Variants in WWOX observed in about 807,000 individuals in gnomAD.
The protein encoded by WWOX is WW domain-containing oxidoreductase.
A neutral mutation model predicts 46.2 loss-of-function variants in WWOX; 69 were observed. The observed-to-expected ratio is 1.49, with a 90% confidence interval of 1.23 to 1.82. WWOX has a LOEUF of 1.82. Ranked by LOEUF, WWOX falls within the 40% of genes most tolerant of loss-of-function variation. The pLI, the probability that WWOX is intolerant of heterozygous loss-of-function variation, is 0.00. For synonymous variants in WWOX, 359 were observed against 202.6 expected, an observed-to-expected ratio of 1.77 and a Z score of -6.56; for missense variants, 919 against 542.6, an observed-to-expected ratio of 1.69 and a Z score of -6.89.
intron 4 of WWOX, among the ~76,000 whole-genome samples, chr16:78,150,529 C>A (rs573845201): frequency 1.3e-5 from 2 of 152,274 alleles, no homozygotes; most frequent in East Asian, 3.9e-4. Flanking sequence ...CAGTTGCACA[C>A]CACCATGCCT....
chr16:78,778,446 T>C (rs1597594620), intron 8 of WWOX, among the ~76,000 whole-genome samples: 1 of 152,214 alleles, frequency 6.6e-6, no homozygotes, highest in Non-Finnish European at 1.5e-5. Flanking sequence ...GATTGATGCA[T>C]GTGTTGTTGA....
At chr16:78,731,708 GT>G (rs1323760195) in intron 8 of WWOX, among the ~76,000 whole-genome samples, 1 of 152,128 alleles carries the variant, frequency 6.6e-6, no homozygotes, top group African/African-American at 2.4e-5. Flanking sequence ...TGGAAAGCCT[GT>G]AAGAAGAAGC....
At chr16:78,947,972 C>G (rs142650505) in intron 8 of WWOX, among the ~76,000 whole-genome samples, 10 of 152,148 alleles carry the variant, frequency 6.6e-5, no homozygotes, top group African/African-American at 2.4e-4. Flanking sequence ...ATGTGAGGTC[C>G]AAGGACATTC....
rs190763534 is a variant in WWOX, at chr16:79,020,771, G to A, written c.1057-190837G>A. On this transcript the variant is annotated intron_variant, in intron 8 of 8. Coordinates refer to ENST00000566780, the MANE Select transcript of WWOX (RefSeq NM_016373.4). Reference sequence around the variant, plus strand: ...ACACGCATGCAGCTTCCCACACGTCGTGTGGATTCTTTTCTGTGCTCTCCA... The same window carrying A: ...ACACGCATGCAGCTTCCCACACGTCATGTGGATTCTTTTCTGTGCTCTCCA... Among the ~76,000 whole-genome samples the A allele has an allele frequency of 9.2e-5, 14 of 152,274 alleles. No individual in the cohort carries two copies. In the East Asian group the frequency reaches 1.9e-3, roughly 21 times the overall value.
chr16:78,941,427 C>A (rs140305497), intron 8 of WWOX, among the ~76,000 whole-genome samples: 1 of 151,452 alleles, frequency 6.6e-6, no homozygotes, highest in Non-Finnish European at 1.5e-5. Flanking sequence ...CGTTGCTCCT[C>A]GTAAGCGCAT....
At chr16:78,246,363 T>G (rs1409786333) in intron 5 of WWOX, among the ~76,000 whole-genome samples, 1 of 152,190 alleles carries the variant, frequency 6.6e-6, no homozygotes, top group Non-Finnish European at 1.5e-5. Flanking sequence ...CCTACCTTTT[T>G]TTTCCCCTTC....
intron 8 of WWOX, among the ~76,000 whole-genome samples, chr16:78,812,855 CTG>C (rs1338362522): frequency 6.6e-6 from 1 of 152,174 alleles, no homozygotes; most frequent in East Asian, 1.9e-4. Context: ...ATATTTTCCC[CTG>C]TCTTATTTTC....
intron 8 of WWOX, among the ~76,000 whole-genome samples, chr16:78,648,104 A>G (rs764163357): frequency 1.2e-4 from 19 of 152,226 alleles, no homozygotes; most frequent in African/African-American, 4.6e-4. Context: ...AGCCAGAGAG[A>G]AAATCAGTCA....
chr16:78,648,093 A>G (rs189152157), intron 8 of WWOX, among the ~76,000 whole-genome samples: 2 of 152,366 alleles, frequency 1.3e-5, no homozygotes, highest in Non-Finnish European at 2.9e-5. Context: ...GGAGAAGATG[A>G]AGCCAGAGAG....
intron 5 of WWOX, among the ~76,000 whole-genome samples, chr16:78,184,001 C>A (rs751849134): frequency 6.6e-6 from 1 of 152,168 alleles, no homozygotes; most frequent in Non-Finnish European, 1.5e-5. Flanking sequence ...AGCAACTTCA[C>A]ATCAAGGGCT....
intron 5 of WWOX, among the ~76,000 whole-genome samples, chr16:78,329,450 T>G (rs2080707604): frequency 6.6e-6 from 1 of 152,210 alleles, no homozygotes; most frequent in Admixed American, 6.5e-5. Context: ...GCCAGTAGCC[T>G]GGAATAAACA....
chr16:78,099,675 T>G lies in WWOX; in HGVS notation c.-104T>G, dbSNP rs962276004. 1.4e-6 allele frequency: 2 copies of G among 1,405,390 alleles called. No homozygotes were observed. The highest frequency in any genetic ancestry group is 3.0e-5 in the African/African-American group (2 of 67,538). The allele number at this position is 1,405,390 out of a possible 1,614,324, so 87.1% of individuals were successfully genotyped here. On this transcript the variant is annotated 5_prime_UTR_variant, in exon 1 of 9. Coordinates refer to ENST00000566780, the MANE Select transcript of WWOX (RefSeq NM_016373.4). Reference sequence around the variant, plus strand: ...GGGCGCAGTGCGCAGGCGTGAGCGGTCGGGCCCCGACGCGCGCGGGTCTCG... The same window carrying G: ...GGGCGCAGTGCGCAGGCGTGAGCGGGCGGGCCCCGACGCGCGCGGGTCTCG...
At chr16:78,564,099 A>G (rs2044505973) in intron 8 of WWOX, among the ~76,000 whole-genome samples, 1 of 152,228 alleles carries the variant, frequency 6.6e-6, no homozygotes, top group South Asian at 2.1e-4. Context: ...GCCAACCTAC[A>G]GACGCAACTG....
chr16:79,144,950 G>T (rs545525874), intron 8 of WWOX, among the ~76,000 whole-genome samples: 1 of 152,256 alleles, frequency 6.6e-6, no homozygotes, highest in East Asian at 1.9e-4. Flanking sequence ...TGAAATATAT[G>T]TAGGGTTTGG....
intron 5 of WWOX, among the ~76,000 whole-genome samples, chr16:78,211,848 A>T (rs1453438058): frequency 1.3e-5 from 2 of 152,136 alleles, no homozygotes; most frequent in African/African-American, 2.4e-5. Flanking sequence ...GAGGGACCAG[A>T]ATATGGTGTG....
intron 8 of WWOX, among the ~76,000 whole-genome samples, chr16:78,928,494 G>A (rs1464722017): frequency 6.6e-6 from 1 of 152,222 alleles, no homozygotes; most frequent in Middle Eastern, 3.4e-3. Flanking sequence ...GAGCCACCGC[G>A]CCCGGCCCCA....
chr16:78,943,638 T>G (rs1433525938), intron 8 of WWOX, among the ~76,000 whole-genome samples: 1 of 152,184 alleles, frequency 6.6e-6, no homozygotes, highest in African/African-American at 2.4e-5. Flanking sequence ...GTCAATGGCC[T>G]GGACGCAGCT....
chr16:79,061,986 A>C (rs1418020788), intron 8 of WWOX, among the ~76,000 whole-genome samples: 2 of 152,158 alleles, frequency 1.3e-5, no homozygotes, highest in African/African-American at 2.4e-5. Context: ...CATTCTTTTC[A>C]CAGCCCCTCC....
intron 8 of WWOX, among the ~76,000 whole-genome samples, chr16:78,562,177 CA>C (rs2044455875): frequency 6.6e-6 from 1 of 152,178 alleles, no homozygotes; most frequent in Non-Finnish European, 1.5e-5. Flanking sequence ...TCTAGCTTCT[CA>C]AACTGTTTCG....
Sources: gnomAD v4.1 joint callset for allele counts (sites outside exome capture counted in the v4.1 genomes callset) on GRCh38, gnomAD v4.1.1 for gene constraint, MANE v1.5 for transcripts, NCBI Gene and HGNC (gene_info 2026-07-23, HGNC 2026-07-21) for gene names.